The following KCNN3 variants were observed in gnomAD, a reference collection of about 807,000 sequenced individuals.
KCNN3 encodes small conductance calcium-activated potassium channel protein 3.
A neutral mutation model predicts 62.9 loss-of-function variants in KCNN3; 16 were observed. The ratio of observed to expected loss-of-function variants is 0.25; its 90% CI spans 0.17 to 0.39. The LOEUF (loss-of-function observed/expected upper bound fraction) is 0.39. Ranked by LOEUF, KCNN3 falls within the 10% of genes least tolerant of loss-of-function variation. KCNN3 has a pLI of 1.00. For missense variants in KCNN3, 599 were observed against 949.4 expected (o/e 0.63, Z 4.85); for synonymous variants, 370 against 389.2 (o/e 0.95, Z 0.58).
intron 2 of KCNN3, among the ~76,000 whole-genome samples, chr1:154,805,174 G>A (rs115415566): frequency 0.017 from 2,633 of 152,274 alleles, 35 homozygotes; most frequent in Non-Finnish European, 0.024. Flanking sequence ...GGACCTGGGC[G>A]TTCAGGGAAA....
At chr1:154,736,726 C>T (rs577734024) in intron 3 of KCNN3, among the ~76,000 whole-genome samples, 2 of 152,174 alleles carry the variant, frequency 1.3e-5, no homozygotes, top group South Asian at 4.1e-4. Context: ...TGTTTGGCTG[C>T]CCTTAGGATC....
intron 3 of KCNN3, among the ~76,000 whole-genome samples, chr1:154,767,030 G>A (rs1648328575): frequency 6.6e-6 from 1 of 152,126 alleles, no homozygotes; most frequent in Admixed American, 6.5e-5. Flanking sequence ...GAGGGGGTAG[G>A]AGGTTGTGGG....
intron 1 of KCNN3, among the ~76,000 whole-genome samples, chr1:154,857,022 G>T (rs552497945): frequency 6.6e-6 from 1 of 152,108 alleles, no homozygotes; most frequent in Non-Finnish European, 1.5e-5. Flanking sequence ...CTTGTCTCTC[G>T]CAAAGCTCAC....
intron 4 of KCNN3, among the ~76,000 whole-genome samples, chr1:154,728,972 G>T (rs1371157003): frequency 6.6e-6 from 1 of 152,152 alleles, no homozygotes; most frequent in Admixed American, 6.5e-5. Flanking sequence ...CTGTCCCCTG[G>T]GTCCCCTTTG....
intron 1 of KCNN3, among the ~76,000 whole-genome samples, chr1:154,867,521 G>C (rs1416943362): frequency 6.6e-6 from 1 of 152,076 alleles, no homozygotes; most frequent in Non-Finnish European, 1.5e-5. Context: ...TCCAGGGCGG[G>C]AAAGTCTGCC....
intron 2 of KCNN3, among the ~76,000 whole-genome samples, chr1:154,784,598 C>G (rs1649196986): frequency 1.3e-5 from 2 of 152,200 alleles, no homozygotes; most frequent in East Asian, 3.8e-4. Flanking sequence ...GTGCCCCCTG[C>G]TTGTCACAGA....
intron 1 of KCNN3, among the ~76,000 whole-genome samples, chr1:154,840,074 C>T (rs1232934113): frequency 6.6e-6 from 1 of 151,966 alleles, no homozygotes; most frequent in African/African-American, 2.4e-5. Context: ...TTGTCTCTTG[C>T]AATTTATCTA....
rs972302007 is a variant in KCNN3, at chr1:154,704,517, A to T, written c.*3459T>A. 6.6e-6 allele frequency: 1 copy of T among 152,206 alleles called. No individual in the cohort carries two copies. Among genetic ancestry groups the T allele is most frequent in the African/African-American group, 2.4e-5 (1 of 41,446 alleles). The allele number at this position is 152,206 out of a possible 1,614,324, so 9.4% of individuals were successfully genotyped here. On this transcript the variant is annotated 3_prime_UTR_variant, in exon 8 of 8. Transcript: ENST00000271915. ...CCACTGAGATTAGTGGTCTTAAAGT[A>T]TCACAGTACATCCCTGACTTTACAG...
chr1:154,743,413 G>T (rs1382884496), intron 3 of KCNN3, among the ~76,000 whole-genome samples: 1 of 152,156 alleles, frequency 6.6e-6, no homozygotes, highest in Admixed American at 6.5e-5. Flanking sequence ...GAAGTCCCCT[G>T]GGGCCCCCAA....
chr1:154,719,295 G>A (rs150071901), intron 5 of KCNN3, among the ~76,000 whole-genome samples: 23 of 152,274 alleles, frequency 1.5e-4, no homozygotes, highest in East Asian at 3.9e-4. Context: ...AGGCCTGGCC[G>A]GTGGGTGTGA....
At chr1:154,855,902 CTG>C (rs1221032395) in intron 1 of KCNN3, among the ~76,000 whole-genome samples, 3 of 152,142 alleles carry the variant, frequency 2.0e-5, no homozygotes, top group Admixed American at 6.5e-5. Flanking sequence ...ATTGGGGAAA[CTG>C]AGGCAGCTTA....
rs561055385 is a variant in KCNN3, at chr1:154,735,527, C to T, written c.1449-2383G>A. Among the ~76,000 whole-genome samples the T allele has an allele frequency of 2.6e-4, 39 of 152,300 alleles. 1 individual carries two copies. The highest frequency in any genetic ancestry group is 4.6e-4 in the Non-Finnish European group (31 of 68,010). ...ATGCTCTGTTACCACCCTAGGGGCC[C>T]CTGGCTGGCTGCGTGGGCCTCATTT... On this transcript the variant is annotated intron_variant, in intron 3 of 7. Coordinates refer to ENST00000271915, the MANE Select transcript of KCNN3 (RefSeq NM_002249.6).
chr1:154,827,673 C>G (rs946986396), intron 1 of KCNN3, among the ~76,000 whole-genome samples: 1 of 152,042 alleles, frequency 6.6e-6, no homozygotes, highest in African/African-American at 2.4e-5. Context: ...GTGGTGCAAG[C>G]CTGTAGTCTC....
Position 154,846,597 on chromosome 1 carries a change from G to A in KCNN3, c.933+22435C>T, listed in dbSNP as rs550858702. Among the ~76,000 whole-genome samples the A allele has an allele frequency of 3.6e-4, 55 of 152,174 alleles. No individual in the cohort carries two copies. In the Middle Eastern group the frequency reaches 0.01, roughly 28 times the overall value. On this transcript the variant is annotated intron_variant, in intron 1 of 7. Transcript: ENST00000271915. Reference sequence around the variant, plus strand: ...CAGTGTACCCCTCATTGTCTGCACCGGGAGCCGATTGCTCCCCTGCCCCTT... The same window carrying A: ...CAGTGTACCCCTCATTGTCTGCACCAGGAGCCGATTGCTCCCCTGCCCCTT...
At chr1:154,778,282 A>G (rs1014323539) in intron 2 of KCNN3, among the ~76,000 whole-genome samples, 4 of 152,240 alleles carry the variant, frequency 2.6e-5, no homozygotes, top group African/African-American at 9.6e-5. Flanking sequence ...AACCCAACTC[A>G]GTTCAATATA....
In KCNN3 at chr1:154,707,733, A is replaced by G. The variant is rs1699992459; in HGVS notation, c.*243T>C. ...AACTCTGCAGCAAGGGCCCTGCCAG[A>G]GGCGTCGCTTCCTGTCATCTCCTCT... On this transcript the variant is annotated 3_prime_UTR_variant, in exon 8 of 8. Coordinates refer to ENST00000271915, the MANE Select transcript of KCNN3 (RefSeq NM_002249.6). 1 of 491,638 alleles carries G rather than the reference A, an allele frequency of 2.0e-6. No homozygotes were observed. Among genetic ancestry groups the G allele is most frequent in the Non-Finnish European group, 3.6e-6 (1 of 279,674 alleles). The allele number at this position is 491,638 out of a possible 1,614,324, so 30.5% of individuals were successfully genotyped here. A position where few individuals can be genotyped will look rare whatever the true frequency, so the allele number is the denominator to read the frequency against.
chr1:154,813,997 G>A (rs1350223525), intron 2 of KCNN3, among the ~76,000 whole-genome samples: 1 of 152,242 alleles, frequency 6.6e-6, no homozygotes, highest in African/African-American at 2.4e-5. Context: ...GGCTGGTGTA[G>A]TAACCATGGC....
In KCNN3 at chr1:154,870,275, G is replaced by A; in HGVS notation, c.-311C>T. The A allele has an allele frequency of 1.9e-6, 1 of 534,414 alleles. No individual in the cohort carries two copies. 33.1% of individuals were successfully genotyped at this position (534,414 alleles called of 1,614,324 possible). On this transcript the variant is annotated 5_prime_UTR_variant, in exon 1 of 8. Transcript: ENST00000271915. ...CCAGGCTCAGCTTCACTCCTCGCTG[G>A]CTCAATAGCTTCGCTCGCCTCCTCC...
Position 154,726,012 on chromosome 1 carries a change from A to G in KCNN3, c.1605T>C (p.Thr535=). The G allele has an allele frequency of 6.2e-7, 1 of 1,613,962 alleles. No individual in the cohort carries two copies. The highest frequency in any genetic ancestry group is 1.1e-5 in the South Asian group (1 of 91,084). The part of the protein sequence containing the change: ...LLTGIMGAGC[T]ALVVAVVARK... ...GGGCCACCACGGCCACCACAAGGGCAGTGCAGCCTGCACCCTGCGGGGGGA... is the reference window on the plus strand; with the variant it reads ...GGGCCACCACGGCCACCACAAGGGCGGTGCAGCCTGCACCCTGCGGGGGGA... The change falls in exon 5 of 8, where the codon ACT becomes ACC. Residue 535 remains threonine, a synonymous_variant. Transcript: ENST00000271915.
Sources: gnomAD v4.1 joint callset for allele counts (sites outside exome capture counted in the v4.1 genomes callset) on GRCh38, gnomAD v4.1.1 for gene constraint, MANE v1.5 for transcripts, NCBI Gene and HGNC (gene_info 2026-07-23, HGNC 2026-07-21) for gene names.